Variants in PTPRM observed in about 807,000 individuals in gnomAD.
The protein encoded by PTPRM is protein tyrosine phosphatase receptor type M, also known as receptor-type tyrosine-protein phosphatase mu.
PTPRM carries 47 observed loss-of-function variants against 186.7 expected under a neutral mutation model. The ratio of observed to expected loss-of-function variants is 0.25; its 90% CI spans 0.20 to 0.32. PTPRM has a LOEUF of 0.32. Ranked by LOEUF, PTPRM falls within the 10% of genes least tolerant of loss-of-function variation. The pLI is 1.00. For missense variants in PTPRM, 1,494 were observed against 1,865.0 expected (o/e 0.80, Z 3.66); for synonymous variants, 668 against 674.9 (o/e 0.99, Z 0.16).
At chr18:7,780,196 C>A (rs952217461) in intron 2 of PTPRM, among the ~76,000 whole-genome samples, 5 of 152,174 alleles carry the variant, frequency 3.3e-5, no homozygotes, top group Admixed American at 1.3e-4. Flanking sequence ...TGACACTAAG[C>A]AGTCAACAAC....
intron 2 of PTPRM, among the ~76,000 whole-genome samples, chr18:7,879,478 T>C (rs1284900592): frequency 2.6e-5 from 4 of 152,216 alleles, no homozygotes; most frequent in Admixed American, 6.5e-5. Context: ...GTCTCGTTTG[T>C]AGTTCTCAAA....
intron 2 of PTPRM, among the ~76,000 whole-genome samples, chr18:7,880,631 C>T (rs999898430): frequency 2.2e-4 from 33 of 152,132 alleles, no homozygotes; most frequent in African/African-American, 7.5e-4. Flanking sequence ...ATTTTTAGGG[C>T]GATGGTGGCA....
chr18:7,804,296 C>G (rs532729189), intron 2 of PTPRM, among the ~76,000 whole-genome samples: 15 of 152,202 alleles, frequency 9.9e-5, no homozygotes, highest in Admixed American at 3.3e-4. Flanking sequence ...GGAGTTGAGT[C>G]TCACTAGACC....
intron 20 of PTPRM, among the ~76,000 whole-genome samples, chr18:8,303,194 G>A (rs2095179891): frequency 6.6e-6 from 1 of 152,084 alleles, no homozygotes; most frequent in Admixed American, 6.5e-5. Flanking sequence ...GAGAGAAGGG[G>A]TGCTGCTAGT....
intron 4 of PTPRM, among the ~76,000 whole-genome samples, chr18:7,918,399 C>G (rs903115219): frequency 3.9e-5 from 6 of 152,090 alleles, no homozygotes; most frequent in Non-Finnish European, 8.8e-5. Flanking sequence ...CACCAGTATC[C>G]GTTACTCCCT....
chr18:8,257,832 T>C (rs1197520518), intron 19 of PTPRM, among the ~76,000 whole-genome samples: 1 of 152,206 alleles, frequency 6.6e-6, no homozygotes, highest in African/African-American at 2.4e-5. Context: ...TTCAACCAAT[T>C]CTTCTTTATC....
chr18:7,999,123 C>T (rs1388903083), intron 7 of PTPRM, among the ~76,000 whole-genome samples: 1 of 152,138 alleles, frequency 6.6e-6, no homozygotes, highest in Non-Finnish European at 1.5e-5. Flanking sequence ...GGACAGGACG[C>T]CTTTCCGCTG....
intron 2 of PTPRM, among the ~76,000 whole-genome samples, chr18:7,868,035 T>C (rs1030729648): frequency 6.6e-6 from 1 of 152,198 alleles, no homozygotes; most frequent in Non-Finnish European, 1.5e-5. Flanking sequence ...TGCTGTGTTT[T>C]TCAGCTCCAT....
At chr18:7,626,545 A>T (rs1567991149) in intron 1 of PTPRM, among the ~76,000 whole-genome samples, 1 of 151,940 alleles carries the variant, frequency 6.6e-6, no homozygotes, top group Non-Finnish European at 1.5e-5. Flanking sequence ...TGCTGGTATG[A>T]CCCTCTCCCC....
intron 14 of PTPRM, among the ~76,000 whole-genome samples, chr18:8,216,170 A>C (rs574694636): frequency 6.6e-6 from 1 of 151,696 alleles, no homozygotes; most frequent in South Asian, 2.1e-4. Context: ...TGGTCATTCT[A>C]TTTCTAACCC....
At chr18:8,099,618 T>C (rs1402285982) in intron 11 of PTPRM, among the ~76,000 whole-genome samples, 2 of 152,170 alleles carry the variant, frequency 1.3e-5, no homozygotes, top group African/African-American at 4.8e-5. Flanking sequence ...GCATCAAAAC[T>C]GTCTTTTGCC....
At chr18:8,024,039 G>T (rs777307820) in intron 7 of PTPRM, among the ~76,000 whole-genome samples, 12 of 152,092 alleles carry the variant, frequency 7.9e-5, no homozygotes, top group Non-Finnish European at 1.8e-4. Flanking sequence ...ATGCCTTTAG[G>T]TTGGTGTCAT....
intron 1 of PTPRM, among the ~76,000 whole-genome samples, chr18:7,772,309 C>T (rs1375058472): frequency 5.1e-5 from 7 of 137,754 alleles, no homozygotes; most frequent in African/African-American, 1.2e-4. Flanking sequence ...TCCTCTCTTC[C>T]TTCCTTCCTC....
At chr18:7,837,436 T>C (rs907820046) in intron 2 of PTPRM, among the ~76,000 whole-genome samples, 1 of 152,148 alleles carries the variant, frequency 6.6e-6, no homozygotes, top group Non-Finnish European at 1.5e-5. Context: ...CTTTAATTTC[T>C]TTGAGTTTCT....
chr18:7,952,869 G>C (rs1446929109), intron 6 of PTPRM, among the ~76,000 whole-genome samples: 1 of 152,020 alleles, frequency 6.6e-6, no homozygotes, highest in Non-Finnish European at 1.5e-5. Context: ...AACCAGCTGT[G>C]GTGGCACACA....
At chr18:7,853,023 G>A (rs528166025) in intron 2 of PTPRM, among the ~76,000 whole-genome samples, 3 of 152,230 alleles carry the variant, frequency 2.0e-5, no homozygotes, top group Admixed American at 2.0e-4. Flanking sequence ...AATATAAACG[G>A]AAAATACCAC....
In PTPRM at chr18:8,376,325, A is replaced by G. The variant is rs569182754; in HGVS notation, c.3326+125A>G. 21 of 1,519,324 alleles carry G rather than the reference A, an allele frequency of 1.4e-5. No homozygotes were observed. In the East Asian group the frequency reaches 4.4e-4, roughly 32 times the overall value. 94.1% of individuals were successfully genotyped at this position (1,519,324 alleles called of 1,614,324 possible). On this transcript the variant is annotated intron_variant, in intron 25 of 32. Transcript: ENST00000580170. ...GATGATTGCACAACATTTTGGGAGC[A>G]CTAAATGCCACTGGAGTGTACCTTT...
At chr18:7,677,447 C>T (rs2039370671) in intron 1 of PTPRM, among the ~76,000 whole-genome samples, 1 of 152,130 alleles carries the variant, frequency 6.6e-6, no homozygotes, top group Non-Finnish European at 1.5e-5. Flanking sequence ...GTTTCTTTCT[C>T]CTCTTACCTT....
At chr18:8,235,508 T>C (rs2094336210) in intron 14 of PTPRM, among the ~76,000 whole-genome samples, 1 of 147,318 alleles carries the variant, frequency 6.8e-6, no homozygotes, top group African/African-American at 2.5e-5. Flanking sequence ...TCAATTTTAC[T>C]AATCTTTTCA....
Sources: allele counts gnomAD v4.1 joint callset (sites outside exome capture counted in the v4.1 genomes callset), GRCh38; gene constraint gnomAD v4.1.1; transcripts MANE v1.5; gene names NCBI Gene and HGNC (gene_info 2026-07-23, HGNC 2026-07-21).